PSTPIP1: variants seen among roughly 807,000 people sequenced by gnomAD.
The protein encoded by PSTPIP1 is proline-serine-threonine phosphatase interacting protein 1.
PSTPIP1 carries 66 observed loss-of-function variants against 69.6 expected under a neutral mutation model. The ratio of observed to expected loss-of-function variants is 0.95; its 90% CI spans 0.78 to 1.16. PSTPIP1 has a LOEUF of 1.16. Ranked by LOEUF, PSTPIP1 falls within the 50% of genes most tolerant of loss-of-function variation. The pLI is 0.00. For synonymous variants in PSTPIP1, 266 were observed against 222.7 expected (o/e 1.19, Z -1.73); for missense variants, 603 against 557.4 (o/e 1.08, Z -0.82).
chr15:77,007,308 G>A (rs368186634), intron 1 of PSTPIP1, among the ~76,000 whole-genome samples: 3 of 152,166 alleles, frequency 2.0e-5, no homozygotes, highest in African/African-American at 7.2e-5. Flanking sequence ...AGCTTGCCTG[G>A]ATAAAAATCA....
intron 1 of PSTPIP1, among the ~76,000 whole-genome samples, chr15:76,995,859 C>T (rs1328970490): frequency 1.3e-5 from 2 of 152,196 alleles, no homozygotes; most frequent in Non-Finnish European, 2.9e-5. Context: ...AGACCTCTCC[C>T]CACAGCAGGA....
chr15:76,996,622 C>T (rs1474151895), intron 1 of PSTPIP1, among the ~76,000 whole-genome samples: 1 of 152,272 alleles, frequency 6.6e-6, no homozygotes. Flanking sequence ...CCTTCCCTTC[C>T]GGCCGGCTCC....
intron 1 of PSTPIP1, chr15:77,007,919 A>C (rs1420057639): frequency 2.2e-6 from 1 of 456,156 alleles, no homozygotes; most frequent in Admixed American, 2.4e-5. Flanking sequence ...TGAGGACTGC[A>C]GTCACTGAAG....
At chr15:77,010,795 C>T (rs967275695) in intron 1 of PSTPIP1, among the ~76,000 whole-genome samples, 2 of 152,004 alleles carry the variant, frequency 1.3e-5, no homozygotes, top group Admixed American at 6.6e-5. Context: ...TACATGTGCC[C>T]GCCACTACGC....
Position 77,037,166 on chromosome 15 carries a change from A to T in PSTPIP1, c.1241A>T (p.Glu414Val), listed in dbSNP as rs2152692961. 6.2e-7 allele frequency: 1 copy of T among 1,606,892 alleles called. No homozygotes were observed. Reference sequence around the variant, plus strand: ...GGCTTCGTCCCTGGTTCCTACCTGGAGAAGCTTTGAGGAAGGGCCAGGAGC... The same window carrying T: ...GGCTTCGTCCCTGGTTCCTACCTGGTGAAGCTTTGAGGAAGGGCCAGGAGC... ...QRGFVPGSYL[E>V]KL The change falls in exon 15 of 15, where the codon GAG (glutamate) becomes GTG (valine). Residue 414 changes from glutamate to valine, a missense_variant. Glu to Val is a moderately radical substitution (Grantham distance 121). Transcript: ENST00000558012.
chr15:77,023,406 A>G (rs113749761), intron 3 of PSTPIP1, among the ~76,000 whole-genome samples: 109 of 152,278 alleles, frequency 7.2e-4, no homozygotes, highest in African/African-American at 2.5e-3. Context: ...AGGGGCAGAG[A>G]GCAGGGCTGA....
chr15:77,036,004 AGTG>A (rs1409926431), intron 14 of PSTPIP1, 69 bp downstream of exon 14: 1 of 1,494,104 alleles, frequency 6.7e-7, no homozygotes, highest in African/African-American at 1.4e-5. Context: ...TCTCCCATCC[AGTG>A]CCTTGCGTCC....
intron 2 of PSTPIP1, 57 bp downstream of exon 2, chr15:77,018,305 G>T: frequency 1.3e-6 from 2 of 1,544,266 alleles, no homozygotes; most frequent in Admixed American, 3.9e-5. Flanking sequence ...GCTTCCGCTC[G>T]GCTCCTGGGA....
chr15:77,009,790 C>A (rs2075895704), intron 1 of PSTPIP1, among the ~76,000 whole-genome samples: 1 of 152,210 alleles, frequency 6.6e-6, no homozygotes, highest in East Asian at 1.9e-4. Flanking sequence ...TGGCCAGAAC[C>A]AGAACCCAGT....
chr15:77,000,564 G>T (rs1307464938), intron 1 of PSTPIP1, among the ~76,000 whole-genome samples: 2 of 151,960 alleles, frequency 1.3e-5, no homozygotes, highest in Non-Finnish European at 2.9e-5. Flanking sequence ...AAAGGAAAGT[G>T]GGGAAATGGA....
At chr15:77,033,288 T>C (rs1205594072) in intron 12 of PSTPIP1, among the ~76,000 whole-genome samples, 1 of 152,234 alleles carries the variant, frequency 6.6e-6, no homozygotes, top group East Asian at 1.9e-4. Flanking sequence ...CAACGCTGTC[T>C]GGCTGGAGCA....
chr15:76,995,050 G>A (rs1441126580), upstream of PSTPIP1: 11 of 1,193,154 alleles, frequency 9.2e-6, no homozygotes, highest in South Asian at 1.5e-5. Context: ...GGTGGCAGGC[G>A]GGGCTGCACA....
Position 77,035,815 on chromosome 15 carries a change from C to T in PSTPIP1, c.999C>T (p.Thr333=). The T allele has an allele frequency of 6.2e-7, 1 of 1,608,616 alleles. No homozygotes were observed. The highest frequency in any genetic ancestry group is 8.5e-7 in the Non-Finnish European group (1 of 1,179,552). The stretch of plus-strand genomic sequence containing the variant: ...CCCTGCTCTTAGCGTCCACAGAGAC[C>T]CTGACCCCCACCCCCGAGCGGAATG... ...SLAASAASTE[T]LTPTPERNEG... The change falls in exon 14 of 15, where the codon ACC becomes ACT. Residue 333 remains threonine, a synonymous_variant. Coordinates refer to ENST00000558012, the MANE Select transcript of PSTPIP1 (RefSeq NM_003978.5).
intron 1 of PSTPIP1, among the ~76,000 whole-genome samples, 166 bp from the exon 2 acceptor site, chr15:77,017,980 CTG>C (rs1391437788): frequency 6.6e-6 from 1 of 152,194 alleles, no homozygotes; most frequent in African/African-American, 2.4e-5. Flanking sequence ...AGGGGACCTC[CTG>C]TGTGCCTGTG....
chr15:77,034,822 C>A (rs2076515644), intron 12 of PSTPIP1, among the ~76,000 whole-genome samples: 1 of 152,244 alleles, frequency 6.6e-6, no homozygotes, highest in Non-Finnish European at 1.5e-5. Context: ...CAGCATCTGC[C>A]GCATCTGCCT....
chr15:77,030,721 C>T, intron 9 of PSTPIP1, 140 bp downstream of exon 9: 1 of 893,308 alleles, frequency 1.1e-6, no homozygotes, highest in South Asian at 1.9e-5. Context: ...GCCTCCTGCT[C>T]ACAGGCCTGT....
At chr15:77,005,655 C>G (rs375139167) in intron 1 of PSTPIP1, among the ~76,000 whole-genome samples, 49 of 152,336 alleles carry the variant, frequency 3.2e-4, no homozygotes, top group African/African-American at 1.1e-3. Context: ...ACCCCTTCAC[C>G]GCATACCTTG....
At position 77,035,423 on chromosome 15, in the gene PSTPIP1, G is replaced by C. The variant is rs2076535981; in HGVS notation, c.930-85G>C. 11 of 1,400,218 alleles carry C rather than the reference G, an allele frequency of 7.9e-6. 1 individual carries two copies. In the South Asian group the frequency reaches 1.4e-4, roughly 17 times the overall value. 86.7% of individuals were successfully genotyped at this position (1,400,218 alleles called of 1,614,324 possible). A position where few individuals can be genotyped will look rare whatever the true frequency, so the allele number is the denominator to read the frequency against. ...CCTGGCAGAGCGCGTGCAGCTCTGA[G>C]ACCTCTCCCTGTCTAAACCCTCCCT... is the stretch of plus-strand genomic sequence containing the variant. On this transcript the variant is annotated intron_variant, in intron 12 of 14. Coordinates refer to ENST00000558012, the MANE Select transcript of PSTPIP1 (RefSeq NM_003978.5).
intron 9 of PSTPIP1, 74 bp from the exon 10 acceptor site, chr15:77,031,106 C>A: frequency 7.0e-7 from 1 of 1,420,550 alleles, no homozygotes; most frequent in Non-Finnish European, 9.8e-7. Flanking sequence ...TCCGGCTGAG[C>A]TGTGAATGGG....
Sources: allele counts gnomAD v4.1 joint callset (sites outside exome capture counted in the v4.1 genomes callset), GRCh38; gene constraint gnomAD v4.1.1; transcripts MANE v1.5; gene names NCBI Gene and HGNC (gene_info 2026-07-23, HGNC 2026-07-21).